ABL1: variants seen among roughly 807,000 people sequenced by gnomAD.
The protein encoded by ABL1 is tyrosine-protein kinase ABL1.
In ABL1, 11 loss-of-function variants were observed where a neutral mutation model predicts 94.7. The ratio of observed to expected loss-of-function variants is 0.12; its 90% CI spans 0.07 to 0.19. The LOEUF (loss-of-function observed/expected upper bound fraction) is 0.19, where lower values mean the gene tolerates loss of function less well. Ranked by LOEUF, ABL1 falls within the 10% of genes least tolerant of loss-of-function variation. The pLI is 1.00. For missense variants in ABL1, 1,082 were observed against 1,489.4 expected (o/e 0.73, Z 4.50); for synonymous variants, 656 against 622.4 (o/e 1.05, Z -0.80).
chr9:130,795,445 T>A (rs1829962160), intron 1 of ABL1, among the ~76,000 whole-genome samples: 1 of 152,212 alleles, frequency 6.6e-6, no homozygotes, highest in Non-Finnish European at 1.5e-5. Flanking sequence ...CACGACAGAT[T>A]AGAAACTTCT....
chr9:130,728,809 TTAAATATC>T, intron 1 of ABL1, among the ~76,000 whole-genome samples: 1 of 152,160 alleles, frequency 6.6e-6, no homozygotes, highest in South Asian at 2.1e-4. Flanking sequence ...GCCTGCTAAT[TTAAATATC>T]TGAGTCATCT....
Position 130,872,818 on chromosome 9 carries a change from G to T in ABL1, c.908-42G>T. ...TTTAGACAGTTGTTTGTTCAGTTGGGAGCGGAGCCACGTGTTGAAGTCCTC... is the reference window on the plus strand; with the variant it reads ...TTTAGACAGTTGTTTGTTCAGTTGGTAGCGGAGCCACGTGTTGAAGTCCTC... On this transcript the variant is annotated intron_variant, in intron 5 of 10. Transcript: ENST00000318560. The surrounding 1 kb of genome is among the most constrained non-coding windows in gnomAD (Gnocchi z 5.0). 6.3e-7 allele frequency: 1 copy of T among 1,580,336 alleles called. No homozygotes were observed. The highest frequency in any genetic ancestry group is 1.1e-5 in the South Asian group (1 of 87,246).
At chr9:130,719,011 ATTAT>A (rs1316030755) in intron 1 of ABL1, among the ~76,000 whole-genome samples, 3 of 152,170 alleles carry the variant, frequency 2.0e-5, no homozygotes, top group Non-Finnish European at 4.4e-5. Flanking sequence ...TTTGAAAATC[ATTAT>A]TTATGGTATG....
chr9:130,743,535 A>G (rs756843291), intron 1 of ABL1, among the ~76,000 whole-genome samples: 6 of 152,308 alleles, frequency 3.9e-5, no homozygotes, highest in African/African-American at 1.2e-4. Flanking sequence ...TGCCCAGGAA[A>G]ATAGGTTTGA....
At position 130,878,503 on chromosome 9, in the gene ABL1, G is replaced by A. The variant is rs1831390301; in HGVS notation, c.1359G>A (p.Glu453=). 9.9e-6 allele frequency: 16 copies of A among 1,614,134 alleles called. No individual in the cohort carries two copies. The South Asian group carries it at 1.6e-4, about 17-fold the overall frequency. The part of the protein sequence containing the change: ...IDLSQVYELL[E]KDYRMERPEG... ...TGTCCCAGGTGTATGAGCTGCTAGA[G>A]AAGGACTACCGCATGGAGCGCCCAG... is the stretch of plus-strand genomic sequence containing the variant. The change falls in exon 8 of 11, where the codon GAG becomes GAA. Residue 453 remains glutamate, a synonymous_variant. Transcript: ENST00000318560.
In ABL1 at chr9:130,821,344, G is replaced by C. The variant is rs946988211; in HGVS notation, c.137-32720G>C. Among the ~76,000 whole-genome samples, 6 of 152,202 alleles carry C rather than the reference G, an allele frequency of 3.9e-5. No homozygotes were observed. The East Asian group carries it at 1.2e-3, about 29-fold the overall frequency. ...CGACCATTCATTTGCTTTTTCTATA[G>C]ATTTGTCTTTTCCGTACGTTTCATG... On this transcript the variant is annotated intron_variant, in intron 1 of 10. Transcript: ENST00000372348.
In ABL1 at chr9:130,885,192, T is replaced by C. The variant is rs1064165; in HGVS notation, c.2902T>C (p.Ser968Pro). The C allele has an allele frequency of 3.7e-6, 6 of 1,613,420 alleles. No individual in the cohort carries two copies. The highest frequency in any genetic ancestry group is 5.1e-6 in the Non-Finnish European group (6 of 1,179,978). The change falls in exon 11 of 11, where the codon TCC becomes CCC. Residue 968 changes from serine (S) to proline (P), a missense_variant. This residue lies in a region of ABL1 where 780 missense variants were observed against 835.8 expected (regional missense o/e 0.93). Transcript: ENST00000318560. ...GCTCCCGGCCACTCCAAAGCCACAG[T>C]CCGCCAAGCCGTCGGGGACCCCCAT... ...PVLPATPKPQ[S>P]AKPSGTPISP...
Position 130,754,208 on chromosome 9 carries a change from GAAAAA to G in ABL1, c.136+39763_136+39767del, listed in dbSNP as rs146151861. Among the ~76,000 whole-genome samples the G allele has an allele frequency of 3.1e-5, 3 of 96,504 alleles. No homozygotes were observed. The South Asian group carries it at 1.1e-3, about 34-fold the overall frequency. 63.3% of individuals were successfully genotyped at this position (96,504 alleles called of 152,430 possible). A position where few individuals can be genotyped will look rare whatever the true frequency, so the allele number is the denominator to read the frequency against. ...GCAACAAGAGTGGGACTCTGTCTCA[GAAAAA>G]AAAAAAAAAGAGAGACCAGGCGTGG... On this transcript the variant is annotated intron_variant, in intron 1 of 10. Coordinates refer to the ABL1 transcript ENST00000372348.
At chr9:130,839,161 A>G (rs1212556737) in intron 1 of ABL1, among the ~76,000 whole-genome samples, 1 of 151,554 alleles carries the variant, frequency 6.6e-6, no homozygotes, top group Non-Finnish European at 1.5e-5. Context: ...TACTGGCCTC[A>G]AGTGATCCTC....
At chr9:130,767,728 G>C (rs1832202116) in intron 1 of ABL1, among the ~76,000 whole-genome samples, 1 of 152,216 alleles carries the variant, frequency 6.6e-6, no homozygotes, top group African/African-American at 2.4e-5. Context: ...CCACAGGCCA[G>C]CTCTCTGAAG....
At chr9:130,858,802 C>G (rs1196723064) in intron 3 of ABL1, among the ~76,000 whole-genome samples, 1 of 152,196 alleles carries the variant, frequency 6.6e-6, no homozygotes, top group Admixed American at 6.5e-5. Flanking sequence ...TAGAAAACAA[C>G]TGAATTTAGA....
intron 1 of ABL1, among the ~76,000 whole-genome samples, chr9:130,729,740 CTT>C (rs149864780): frequency 4.8e-5 from 7 of 145,816 alleles, no homozygotes; most frequent in Non-Finnish European, 6.0e-5. Flanking sequence ...TCTGCATATT[CTT>C]TTTTTTTTTT....
intron 4 of ABL1, among the ~76,000 whole-genome samples, chr9:130,869,562 C>T (rs1030934388): frequency 1.3e-5 from 2 of 152,214 alleles, no homozygotes; most frequent in African/African-American, 2.4e-5. Flanking sequence ...GGGCCAGCCT[C>T]GTCAGTCCGT....
intron 1 of ABL1, among the ~76,000 whole-genome samples, chr9:130,795,726 T>C (rs1829965731): frequency 6.6e-6 from 1 of 152,224 alleles, no homozygotes; most frequent in Non-Finnish European, 1.5e-5. Context: ...ATAATCAACA[T>C]GTTTTAAAGT....
chr9:130,809,417 A>AGAGAGAGTGTGT lies in ABL1; in HGVS notation c.137-44646_137-44645insAGAGAGTGTGTG, dbSNP rs1389499231. ...GAGAGAGAGAGAGAGAGAGAGAGAG[A>AGAGAGAGTGTGT]GTGTGTGTGTGTGTGTGTGTGTGTG... On this transcript the variant is annotated intron_variant, in intron 1 of 10. Coordinates refer to the ABL1 transcript ENST00000372348. 9.5e-5 allele frequency among the ~76,000 whole-genome samples: 8 copies of AGAGAGAGTGTGT among 84,408 alleles called. No homozygotes were observed. In the South Asian group the frequency reaches 4.2e-3, roughly 44 times the overall value. The allele number at this position is 84,408 out of a possible 152,430, so 55.4% of individuals were successfully genotyped here.
At position 130,814,694 on chromosome 9, in the gene ABL1, G is replaced by A. The variant is rs972322096; in HGVS notation, c.137-39370G>A. ...AGACCGAGACCATCCTTGCTAACACGGTGAAACCCCGTCTCCACTAAAAAT... is the reference window on the plus strand; with the variant it reads ...AGACCGAGACCATCCTTGCTAACACAGTGAAACCCCGTCTCCACTAAAAAT... On this transcript the variant is annotated intron_variant, in intron 1 of 10. Transcript: ENST00000372348. The surrounding 1 kb of genome is among the most constrained non-coding windows in gnomAD (Gnocchi z 4.4). Among the ~76,000 whole-genome samples, 12 of 151,838 alleles carry A rather than the reference G, an allele frequency of 7.9e-5. No homozygotes were observed. Among genetic ancestry groups the A allele is most frequent in the Admixed American group, 5.3e-4 (8 of 15,228 alleles).
At chr9:130,723,066 G>A (rs753810370) in intron 1 of ABL1, among the ~76,000 whole-genome samples, 3 of 152,122 alleles carry the variant, frequency 2.0e-5, no homozygotes, top group African/African-American at 4.8e-5. Context: ...GGAATGTGTC[G>A]GGCATATTTT....
rs2229068 is a variant in ABL1 at position 130,884,189 on chromosome 9, C to T, written c.1899C>T (p.Ala633=). ...EMDGQPERRG[A]GEEEGRDISN... ...ACGGCCAGCCGGAGCGCAGAGGGGC[C>T]GGCGAGGAAGAGGGCCGAGACATCA... The change falls in exon 11 of 11, where the codon GCC becomes GCT. Residue 633 remains alanine, a synonymous_variant. Transcript: ENST00000318560. This position sits in a 1 kb window ranked among gnomAD's most constrained non-coding sequence, Gnocchi z 5.6. 1.2e-3 allele frequency: 1,996 copies of T among 1,612,160 alleles called. 20 individuals carry two copies. In the African/African-American group the frequency reaches 0.024, roughly 19 times the overall value.
chr9:130,873,138 T>A, intron 6 of ABL1, 101 bp downstream of exon 6: 1 of 1,246,860 alleles, frequency 8.0e-7, no homozygotes, highest in Non-Finnish European at 1.1e-6. Context: ...AGGGCGCAGC[T>A]TCTAACCTCA....
Sources: gnomAD v4.1 joint callset for allele counts (sites outside exome capture counted in the v4.1 genomes callset) on GRCh38, gnomAD v4.1.1 for gene constraint, gnomAD v4.1.1 regional missense constraint, Gnocchi (gnomAD v3.1) non-coding constraint, MANE v1.5 for transcripts, NCBI Gene and HGNC (gene_info 2026-07-23, HGNC 2026-07-21) for gene names.